LRP1B: variants seen among roughly 807,000 people sequenced by gnomAD.
LRP1B encodes low-density lipoprotein receptor-related protein 1B.
LRP1B carries 217 observed loss-of-function variants against 556.6 expected under a neutral mutation model. The observed-to-expected ratio is 0.39, with a 90% CI of 0.35 to 0.44. The LOEUF (loss-of-function observed/expected upper bound fraction) is 0.44. Ranked by LOEUF, LRP1B falls within the 20% of genes least tolerant of loss-of-function variation. LRP1B has a pLI of 1.00. For synonymous variants in LRP1B, 2,047 were observed against 1,865.8 expected (o/e 1.10, Z -2.50); for missense variants, 5,053 against 5,620.8 (o/e 0.90, Z 3.23).
intron 66 of LRP1B, among the ~76,000 whole-genome samples, chr2:140,407,359 CT>C (rs1175387350): frequency 6.6e-6 from 1 of 152,018 alleles, no homozygotes. Flanking sequence ...TAAAAAGCTT[CT>C]GCACAGCAAA....
chr2:140,783,251 G>T (rs1017155853), intron 32 of LRP1B, among the ~76,000 whole-genome samples: 2 of 151,936 alleles, frequency 1.3e-5, no homozygotes, highest in African/African-American at 4.8e-5. Context: ...TGCCAGAATT[G>T]TTGAGATCCA....
intron 7 of LRP1B, among the ~76,000 whole-genome samples, chr2:141,123,065 C>T (rs1039146759): frequency 6.6e-6 from 1 of 151,924 alleles, no homozygotes; most frequent in African/African-American, 2.4e-5. Context: ...CACTTGGACA[C>T]AGGAAGGGGA....
intron 43 of LRP1B, among the ~76,000 whole-genome samples, chr2:140,553,760 T>C (rs949898550): frequency 9.2e-5 from 14 of 151,992 alleles, no homozygotes; most frequent in African/African-American, 3.4e-4. Context: ...ACCCTGGAGC[T>C]GTACATCCTT....
chr2:141,877,749 A>G (rs76512484), intron 1 of LRP1B, among the ~76,000 whole-genome samples: 11,392 of 152,046 alleles, frequency 0.075, 571 homozygotes, highest in South Asian at 0.16. Flanking sequence ...GTTGAATCAG[A>G]AGCTTTTTCT....
intron 3 of LRP1B, among the ~76,000 whole-genome samples, chr2:141,314,910 A>G (rs1253584330): frequency 1.4e-5 from 2 of 145,562 alleles, no homozygotes; most frequent in African/African-American, 5.1e-5. Flanking sequence ...ATATATATAT[A>G]CACATATATA....
rs2105199189 is a variant in LRP1B at position 140,601,576 on chromosome 2, G to C, written c.6863C>G (p.Ser2288Cys). ...GTGTCTGGTGATGGATGAGGTGGTA[G>C]AGCTTGTCCAGTACAGTGTATCCCA... ...RAWDTLYWTSSTTSSITRHTV... is the reference protein window; with the variant it reads ...RAWDTLYWTSCTTSSITRHTV... Residue 2288 changes from serine (S) to cysteine (C), a missense_variant, in exon 42 of 91, where the codon TCT becomes TGT. Ser to Cys is a moderately radical substitution (Grantham distance 112). This residue lies in a region of LRP1B where 3,619 missense variants were observed against 3,931.9 expected (regional missense o/e 0.92). Coordinates refer to ENST00000389484, the MANE Select transcript of LRP1B (RefSeq NM_018557.3). 6.2e-7 allele frequency: 1 copy of C among 1,613,098 alleles called. No individual in the cohort carries two copies. Among genetic ancestry groups the C allele is most frequent in the Non-Finnish European group, 8.5e-7 (1 of 1,179,404 alleles).
At chr2:141,514,184 T>C (rs1329415179) in intron 2 of LRP1B, among the ~76,000 whole-genome samples, 1 of 152,084 alleles carries the variant, frequency 6.6e-6, no homozygotes. Context: ...GATCATGCCA[T>C]TTTGACGACC....
chr2:141,471,231 T>C (rs980283026), intron 3 of LRP1B, among the ~76,000 whole-genome samples: 16 of 150,782 alleles, frequency 1.1e-4, no homozygotes, highest in African/African-American at 3.9e-4. Flanking sequence ...CAATTTCATA[T>C]AACACCCTTA....
chr2:140,846,222 T>G (rs969529560), intron 29 of LRP1B, among the ~76,000 whole-genome samples: 6 of 152,194 alleles, frequency 3.9e-5, no homozygotes. Flanking sequence ...CTTGGAGTTT[T>G]GTACTGAAGA....
intron 7 of LRP1B, among the ~76,000 whole-genome samples, chr2:141,172,576 C>G (rs189172465): frequency 4.0e-5 from 6 of 151,866 alleles, no homozygotes; most frequent in African/African-American, 1.4e-4. Context: ...CATAGATTAC[C>G]GAACAAGTTT....
intron 41 of LRP1B, among the ~76,000 whole-genome samples, chr2:140,660,575 C>A (rs987755285): frequency 2.6e-5 from 4 of 152,128 alleles, no homozygotes; most frequent in African/African-American, 9.7e-5. Flanking sequence ...CCTCTCTGAT[C>A]TGGACCAGGA....
intron 2 of LRP1B, among the ~76,000 whole-genome samples, chr2:141,512,277 T>C (rs1003624147): frequency 3.3e-5 from 5 of 152,286 alleles, no homozygotes; most frequent in East Asian, 1.9e-4. Context: ...CATACTAATA[T>C]GGAAGATTGC....
At chr2:141,541,210 A>G (rs1685248230) in intron 2 of LRP1B, among the ~76,000 whole-genome samples, 1 of 151,994 alleles carries the variant, frequency 6.6e-6, no homozygotes. Context: ...TAGAGGTTCC[A>G]GGTGTTTTAC....
intron 2 of LRP1B, among the ~76,000 whole-genome samples, chr2:141,502,063 T>A (rs1683733938): frequency 6.6e-6 from 1 of 152,016 alleles, no homozygotes; most frequent in Non-Finnish European, 1.5e-5. Flanking sequence ...ATCTGAACAC[T>A]CCCCCCAAAC....
Position 140,244,741 on chromosome 2 carries a change from G to A in LRP1B, c.13324+2345C>T, listed in dbSNP as rs1021779357. On this transcript the variant is annotated intron_variant, in intron 87 of 90. Coordinates refer to ENST00000389484, the MANE Select transcript of LRP1B (RefSeq NM_018557.3). ...GTACAAATCAGAAAAGTAAATCTCT[G>A]TATAAATTGATAGTAATTAGGCAGA... 6.6e-5 allele frequency among the ~76,000 whole-genome samples: 10 copies of A among 150,940 alleles called. 1 individual carries two copies. Among genetic ancestry groups the A allele is most frequent in the Admixed American group, 1.3e-4 (2 of 15,126 alleles).
At chr2:140,504,119 A>G (rs909643482) in intron 53 of LRP1B, among the ~76,000 whole-genome samples, 2 of 152,018 alleles carry the variant, frequency 1.3e-5, no homozygotes, top group African/African-American at 4.8e-5. Context: ...TTATTGCCCA[A>G]TCTGGCTTCC....
intron 29 of LRP1B, among the ~76,000 whole-genome samples, chr2:140,841,834 A>G (rs1692114705): frequency 6.6e-6 from 1 of 152,220 alleles, no homozygotes; most frequent in African/African-American, 2.4e-5. Flanking sequence ...AAGAAAAAAA[A>G]TGAGGTGTTA....
intron 3 of LRP1B, among the ~76,000 whole-genome samples, chr2:141,259,649 C>T (rs550989129): frequency 6.6e-6 from 1 of 152,310 alleles, no homozygotes; most frequent in South Asian, 2.1e-4. Context: ...GATAACCCAA[C>T]TGGACTGTGA....
intron 17 of LRP1B, among the ~76,000 whole-genome samples, chr2:140,987,588 T>G (rs1300072059): frequency 2.0e-5 from 3 of 152,124 alleles, no homozygotes; most frequent in African/African-American, 7.2e-5. Flanking sequence ...AACATGGTGT[T>G]ATAAATTGAG....
Sources: gnomAD v4.1 joint callset for allele counts (sites outside exome capture counted in the v4.1 genomes callset) on GRCh38, gnomAD v4.1.1 for gene constraint, gnomAD v4.1.1 regional missense constraint, MANE v1.5 for transcripts, NCBI Gene and HGNC (gene_info 2026-07-23, HGNC 2026-07-21) for gene names.